PHACTR2: variants seen among roughly 807,000 people sequenced by gnomAD.
The protein encoded by PHACTR2 is chromosome 6 open reading frame 56.
PHACTR2 carries 30 observed loss-of-function variants against 76.0 expected under a neutral mutation model. That is an observed-to-expected ratio of 0.39 (90% CI 0.30 to 0.54). The LOEUF (loss-of-function observed/expected upper bound fraction) is 0.54. Ranked by LOEUF, PHACTR2 falls within the 20% of genes least tolerant of loss-of-function variation. The pLI is 0.61. For synonymous variants in PHACTR2, 292 were observed against 292.5 expected (o/e 1.00, Z 0.02); for missense variants, 696 against 781.1 (o/e 0.89, Z 1.30).
At chr6:143,715,992 T>C (rs559676835) in intron 2 of PHACTR2, among the ~76,000 whole-genome samples, 2 of 152,298 alleles carry the variant, frequency 1.3e-5, no homozygotes, top group South Asian at 4.1e-4. Flanking sequence ...TAGCTAGCTA[T>C]AGAAATCTGT....
chr6:143,823,719 C>A lies in PHACTR2; in HGVS notation c.*30C>A. 1 of 1,587,100 alleles carries A rather than the reference C, an allele frequency of 6.3e-7. No individual in the cohort carries two copies. Among genetic ancestry groups the A allele is most frequent in the Non-Finnish European group, 8.7e-7 (1 of 1,155,408 alleles). On this transcript the variant is annotated 3_prime_UTR_variant, in exon 13 of 13. Transcript: ENST00000440869. This position sits in a 1 kb window ranked among gnomAD's most constrained non-coding sequence, Gnocchi z 5.7. ...GAGTGAGACTATTTGGAAACAGAGA[C>A]TGATCATCTTTGGGGGAAGCCCTGC...
chr6:143,725,843 C>T (rs886994699), intron 2 of PHACTR2, among the ~76,000 whole-genome samples: 4 of 150,794 alleles, frequency 2.7e-5, no homozygotes, highest in African/African-American at 7.4e-5. Context: ...AAAAGAATGT[C>T]ATATAAATGG....
intron 11 of PHACTR2, among the ~76,000 whole-genome samples, chr6:143,797,468 T>C (rs963211910): frequency 6.6e-6 from 1 of 152,256 alleles, no homozygotes; most frequent in Non-Finnish European, 1.5e-5. Flanking sequence ...TTTGGCGTTT[T>C]AGACATGAAG....
intron 1 of PHACTR2, among the ~76,000 whole-genome samples, chr6:143,631,558 G>T (rs1776363578): frequency 6.6e-6 from 1 of 151,966 alleles, no homozygotes; most frequent in Admixed American, 6.6e-5. Flanking sequence ...CCGTGCCTAT[G>T]GTACACCCAG....
intron 6 of PHACTR2, among the ~76,000 whole-genome samples, chr6:143,766,842 T>C (rs117398035): frequency 6.6e-6 from 1 of 152,322 alleles, no homozygotes; most frequent in East Asian, 1.9e-4. Context: ...CTCACGAGTA[T>C]GAAGGGATGG....
chr6:143,716,111 G>T (rs1345959563), intron 2 of PHACTR2, among the ~76,000 whole-genome samples: 1 of 152,128 alleles, frequency 6.6e-6, no homozygotes, highest in African/African-American at 2.4e-5. Context: ...GATGTCACAG[G>T]CTGTCAGGAA....
rs1776005093 is a variant in PHACTR2, at chr6:143,803,429, G to A, written c.1846-3628G>A. On this transcript the variant is annotated intron_variant, in intron 11 of 12. Transcript: ENST00000440869. This position sits in a 1 kb window ranked among gnomAD's most constrained non-coding sequence, Gnocchi z 4.7. ...CAGGCATGATGGCGCACACCTGTAG[G>A]CCCAGCCACTCAGGAGGCTGAGGTG... Among the ~76,000 whole-genome samples, 1 of 152,010 alleles carries A rather than the reference G, an allele frequency of 6.6e-6. No homozygotes were observed. Among genetic ancestry groups the A allele is most frequent in the African/African-American group, 2.4e-5 (1 of 41,386 alleles).
rs201046916 is a variant in PHACTR2 at position 143,627,604 on chromosome 6, T to TC, written c.13+19284dup. Reference sequence around the variant, plus strand: ...TTCACAATGTTGTACAACCACCACTTCCTTTTTTTTTTTTTGAGAAGAAGT... The same window carrying TC: ...TTCACAATGTTGTACAACCACCACTTCCCTTTTTTTTTTTTTGAGAAGAAGT... On this transcript the variant is annotated intron_variant, in intron 1 of 11. Coordinates refer to the PHACTR2 transcript ENST00000305766. This position sits in a 1 kb window ranked among gnomAD's most constrained non-coding sequence, Gnocchi z 4.3. 5.5e-3 allele frequency among the ~76,000 whole-genome samples: 533 copies of TC among 96,398 alleles called. No individual in the cohort carries two copies. Among genetic ancestry groups the TC allele is most frequent in the African/African-American group, 0.015 (487 of 33,360 alleles). The allele number at this position is 96,398 out of a possible 152,430, so 63.2% of individuals were successfully genotyped here.
chr6:143,577,609 A>G (rs1582681578), intron 1 of PHACTR2, among the ~76,000 whole-genome samples: 1 of 152,164 alleles, frequency 6.6e-6, no homozygotes, highest in Admixed American at 6.5e-5. Flanking sequence ...GATGAGACCA[A>G]ATTGATATAT....
intron 1 of PHACTR2, among the ~76,000 whole-genome samples, chr6:143,701,929 C>A (rs552138890): frequency 2.6e-5 from 4 of 152,190 alleles, no homozygotes; most frequent in East Asian, 3.9e-4. Context: ...GCCTAGAGAT[C>A]ATTTAACCTA....
chr6:143,679,458 A>C lies in PHACTR2; in HGVS notation c.46+1249A>C, dbSNP rs999105100. Among the ~76,000 whole-genome samples, 6 of 152,184 alleles carry C rather than the reference A, an allele frequency of 3.9e-5. No homozygotes were observed. Among genetic ancestry groups the C allele is most frequent in the African/African-American group, 1.4e-4 (6 of 41,450 alleles). On this transcript the variant is annotated intron_variant, in intron 1 of 12. Transcript: ENST00000440869. This position sits in a 1 kb window ranked among gnomAD's most constrained non-coding sequence, Gnocchi z 4.6. ...GGTTGAGTAGGATTTTAAATTTAGTAAACTATTTTGTGCAAATAAGACTTG... is the reference window on the plus strand; with the variant it reads ...GGTTGAGTAGGATTTTAAATTTAGTCAACTATTTTGTGCAAATAAGACTTG...
chr6:143,603,440 C>T (rs1775835685), upstream of PHACTR2, among the ~76,000 whole-genome samples: 2 of 151,018 alleles, frequency 1.3e-5, no homozygotes, highest in South Asian at 2.1e-4. Context: ...GTATCAGGCA[C>T]ACTCCAAGGA....
rs536836127 is a variant in PHACTR2, at chr6:143,596,561, G to A, written c.217+59354G>A. 1.6e-3 allele frequency among the ~76,000 whole-genome samples: 250 copies of A among 152,278 alleles called. No individual in the cohort carries two copies. Among genetic ancestry groups the A allele is most frequent in the Non-Finnish European group, 2.4e-3 (161 of 68,020 alleles). ...GTGTAAGAATCACAGCCATCAGGCCGGGCACTGTGGCTCATGCCTGTAATC... is the reference window on the plus strand; with the variant it reads ...GTGTAAGAATCACAGCCATCAGGCCAGGCACTGTGGCTCATGCCTGTAATC... On this transcript the variant is annotated intron_variant, in intron 1 of 11. Transcript: ENST00000367584. This position sits in a 1 kb window ranked among gnomAD's most constrained non-coding sequence, Gnocchi z 4.6.
At chr6:143,796,821 A>C (rs1775838866) in intron 11 of PHACTR2, among the ~76,000 whole-genome samples, 1 of 152,080 alleles carries the variant, frequency 6.6e-6, no homozygotes, top group Non-Finnish European at 1.5e-5. Flanking sequence ...TGATGGACAT[A>C]TGGGTTGGTT....
chr6:143,572,891 C>G (rs1169652968), intron 1 of PHACTR2, among the ~76,000 whole-genome samples: 1 of 152,216 alleles, frequency 6.6e-6, no homozygotes, highest in Non-Finnish European at 1.5e-5. Flanking sequence ...ACAAATCTTA[C>G]TGCTATGAAT....
chr6:143,621,514 A>G lies in PHACTR2; in HGVS notation c.13+13192A>G, dbSNP rs1323917116. On this transcript the variant is annotated intron_variant, in intron 1 of 11. Transcript: ENST00000305766. The surrounding 1 kb of genome is among the most constrained non-coding windows in gnomAD (Gnocchi z 4.1). ...TGGTATTTTGCATGAGAATCATTAA[A>G]TTGCAACTCTTTCTTATATTTAATC... is the stretch of plus-strand genomic sequence containing the variant. Among the ~76,000 whole-genome samples the G allele has an allele frequency of 6.6e-6, 1 of 152,232 alleles. No individual in the cohort carries two copies. The highest frequency in any genetic ancestry group is 1.9e-4 in the East Asian group (1 of 5,196).
chr6:143,578,240 G>A lies in PHACTR2; in HGVS notation c.217+41033G>A, dbSNP rs1022743226. ...CTCCATCCTCACGGTCCAGGATGGG[G>A]AAGTCATAGCCAGATTTAGCAGTTC... On this transcript the variant is annotated intron_variant, in intron 1 of 11. Coordinates refer to the PHACTR2 transcript ENST00000367584. The surrounding 1 kb of genome is among the most constrained non-coding windows in gnomAD (Gnocchi z 4.5). Among the ~76,000 whole-genome samples the A allele has an allele frequency of 3.3e-5, 5 of 152,200 alleles. No individual in the cohort carries two copies. Among genetic ancestry groups the A allele is most frequent in the African/African-American group, 1.2e-4 (5 of 41,454 alleles).
rs1028011694 is a variant in PHACTR2 at position 143,819,410 on chromosome 6, A to G, written c.1923-4264A>G. Reference sequence around the variant, plus strand: ...TGTATCTGTCTGAGTTCTCCAGAGAAACAAAACCAATAAGATATATGTATA... The same window carrying G: ...TGTATCTGTCTGAGTTCTCCAGAGAGACAAAACCAATAAGATATATGTATA... On this transcript the variant is annotated intron_variant, in intron 12 of 12. Coordinates refer to ENST00000440869, the MANE Select transcript of PHACTR2 (RefSeq NM_001100164.2). The surrounding 1 kb of genome is among the most constrained non-coding windows in gnomAD (Gnocchi z 5.0). Among the ~76,000 whole-genome samples the G allele has an allele frequency of 6.6e-6, 1 of 152,234 alleles. No homozygotes were observed. The highest frequency in any genetic ancestry group is 2.4e-5 in the African/African-American group (1 of 41,448).
intron 1 of PHACTR2, among the ~76,000 whole-genome samples, chr6:143,686,562 A>T (rs1777530184): frequency 7.5e-6 from 1 of 134,224 alleles, no homozygotes; most frequent in African/African-American, 2.8e-5. Flanking sequence ...ATCTCGGCTC[A>T]CTGCAACCTC....
Sources: gnomAD v4.1 joint callset for allele counts (sites outside exome capture counted in the v4.1 genomes callset) on GRCh38, gnomAD v4.1.1 for gene constraint, Gnocchi (gnomAD v3.1) non-coding constraint, MANE v1.5 for transcripts, NCBI Gene and HGNC (gene_info 2026-07-23, HGNC 2026-07-21) for gene names.